Variants in SH3BP5L observed in about 807,000 individuals in gnomAD.
The protein encoded by SH3BP5L is SH3 domain-binding protein 5-like.
A neutral mutation model predicts 40.9 loss-of-function variants in SH3BP5L; 16 were observed. The observed-to-expected ratio is 0.39, with a 90% CI of 0.27 to 0.59. The LOEUF (loss-of-function observed/expected upper bound fraction) is 0.59. SH3BP5L is among the 20% of genes least tolerant of loss of function. SH3BP5L has a pLI of 0.53. For missense variants in SH3BP5L, 471 were observed against 544.6 expected, an observed-to-expected ratio of 0.86 and a Z score of 1.35; for synonymous variants, 229 against 226.7, an observed-to-expected ratio of 1.01 and a Z score of -0.09.
chr1:248,824,739 C>G lies in SH3BP5L; in HGVS notation c.183+14G>C. ...TCTGGGCTCTCCTTCTCTCCCTGCT[C>G]TCAGTGCTCTCACCTGTATTCTAGG... On this transcript the variant is annotated intron_variant, in intron 2 of 6. Coordinates refer to ENST00000366472, the MANE Select transcript of SH3BP5L (RefSeq NM_030645.3). The G allele has an allele frequency of 6.2e-7, 1 of 1,612,440 alleles. No homozygotes were observed. The highest frequency in any genetic ancestry group is 1.7e-5 in the Admixed American group (1 of 59,922).
At position 248,817,006 on chromosome 1, in the gene SH3BP5L, C is replaced by G. The variant is rs540685210; in HGVS notation, c.184-122G>C. 16 of 1,572,084 alleles carry G rather than the reference C, an allele frequency of 1.0e-5. No individual in the cohort carries two copies. In the East Asian group the frequency reaches 2.6e-4, roughly 26 times the overall value. On this transcript the variant is annotated intron_variant, in intron 2 of 6. Transcript: ENST00000366472. ...TTGCCCAGGGAAATGAGGTGAGACA[C>G]TCAGGAAAGGAAAGAAGATACGGAG...
chr1:248,813,339 A>C (rs1464294982), intron 5 of SH3BP5L, 177 bp from the exon 6 acceptor site: 4 of 533,086 alleles, frequency 7.5e-6, no homozygotes, highest in African/African-American at 2.0e-5. Flanking sequence ...ATGAGCCTCA[A>C]GACAGCTTAT....
chr1:248,825,243 A>G lies in SH3BP5L; in HGVS notation c.-308T>C, dbSNP rs2103021149. The G allele has an allele frequency of 9.0e-7, 1 of 1,106,534 alleles. No individual in the cohort carries two copies. The highest frequency in any genetic ancestry group is 1.1e-6 in the Non-Finnish European group (1 of 905,604). 68.5% of individuals were successfully genotyped at this position (1,106,534 alleles called of 1,614,324 possible). ...GGGGCAAAGGGGGCTTGGATCCTGG[A>G]CCGAGGCCTGCTAGGAGGAGCACCA... On this transcript the variant is annotated 5_prime_UTR_variant, in exon 2 of 7. Coordinates refer to ENST00000366472, the MANE Select transcript of SH3BP5L (RefSeq NM_030645.3).
Position 248,816,525 on chromosome 1 carries a change from C to T in SH3BP5L, c.375+9G>A, listed in dbSNP as rs772697079. On this transcript the variant is annotated intron_variant, in intron 4 of 6. Coordinates refer to ENST00000366472, the MANE Select transcript of SH3BP5L (RefSeq NM_030645.3). The stretch of plus-strand genomic sequence containing the variant: ...GTAGCCTTCCTCAAACGTGGTCAGC[C>T]AGCCATACCTCCTTAGCCAGCCGCC... The T allele has an allele frequency of 7.6e-5, 122 of 1,613,778 alleles. No homozygotes were observed. Among genetic ancestry groups the T allele is most frequent in the Non-Finnish European group, 1.0e-4 (120 of 1,179,992 alleles).
chr1:248,812,068 C>A lies in SH3BP5L; in HGVS notation c.1014G>T (p.Leu338=). The A allele has an allele frequency of 1.2e-6, 2 of 1,612,916 alleles. No homozygotes were observed. Among genetic ancestry groups the A allele is most frequent in the South Asian group, 2.2e-5 (2 of 91,044 alleles). Residue 338 remains leucine (L), a synonymous_variant, in exon 7 of 7, where the codon CTG becomes CTT. Coordinates refer to ENST00000366472, the MANE Select transcript of SH3BP5L (RefSeq NM_030645.3). The surrounding 1 kb of genome is among the most constrained non-coding windows in gnomAD (Gnocchi z 6.1). ...PDTDTLSLLS[L]RTVASDLQKC... Reference sequence around the variant, plus strand: ...TCTGCAGGTCTGAAGCCACCGTGCGCAGGCTCAGCAGACTCAGGGTATCGG... The same window carrying A: ...TCTGCAGGTCTGAAGCCACCGTGCGAAGGCTCAGCAGACTCAGGGTATCGG...
Position 248,814,720 on chromosome 1 carries a change from C to T in SH3BP5L, c.376-110G>A, listed in dbSNP as rs184838782. The T allele has an allele frequency of 3.6e-4, 391 of 1,083,106 alleles. 1 individual carries two copies. The highest frequency in any genetic ancestry group is 7.8e-4 in the East Asian group (32 of 40,914). The allele number at this position is 1,083,106 out of a possible 1,614,324, so 67.1% of individuals were successfully genotyped here. ...AAGGAGGAAGGCCTACTAGCAATGT[C>T]GGCTTCATTTCCCAAACTGTGCTGA... is the stretch of plus-strand genomic sequence containing the variant. On this transcript the variant is annotated intron_variant, in intron 4 of 6. Transcript: ENST00000366472.
intron 5 of SH3BP5L, 32 bp from the exon 6 acceptor site, chr1:248,813,194 C>A (rs1342399383): frequency 2.0e-6 from 3 of 1,486,366 alleles, no homozygotes; most frequent in Non-Finnish European, 2.7e-6. Flanking sequence ...TGAGCCAGGA[C>A]CCATGCTTCA....
At chr1:248,816,464 T>C (rs1664107474) in intron 4 of SH3BP5L, 70 bp downstream of exon 4, 1 of 1,592,706 alleles carries the variant, frequency 6.3e-7, no homozygotes, top group South Asian at 1.1e-5. Flanking sequence ...TCTCACTCCA[T>C]ATAGAGACAG....
chr1:248,814,439 C>T lies in SH3BP5L; in HGVS notation c.537+10G>A, dbSNP rs1199191412. Reference sequence around the variant, plus strand: ...CAGCGAAGGGGACCTGCTGGCACCGCCCGGCTCACCTTGCAGGTAGCATGG... The same window carrying T: ...CAGCGAAGGGGACCTGCTGGCACCGTCCGGCTCACCTTGCAGGTAGCATGG... On this transcript the variant is annotated intron_variant, in intron 5 of 6. Coordinates refer to ENST00000366472, the MANE Select transcript of SH3BP5L (RefSeq NM_030645.3). The T allele has an allele frequency of 1.2e-5, 19 of 1,613,492 alleles. No individual in the cohort carries two copies. Among genetic ancestry groups the T allele is most frequent in the East Asian group, 2.2e-5 (1 of 44,878 alleles).
chr1:248,816,707 G>C (rs4926508), intron 3 of SH3BP5L, 45 bp from the exon 4 acceptor site: 1,035,574 of 1,612,460 alleles, frequency 0.64, 345,106 homozygotes, highest in Middle Eastern at 0.7. Context: ...TTGGGTCCCA[G>C]CCCCTCTTGT....
chr1:248,813,235 T>A (rs1329823073), intron 5 of SH3BP5L, 73 bp from the exon 6 acceptor site: 1 of 1,411,618 alleles, frequency 7.1e-7, no homozygotes, highest in Non-Finnish European at 9.3e-7. Flanking sequence ...GCTGCCAATC[T>A]GAACAACGCC....
In SH3BP5L at chr1:248,812,643, T is replaced by C. The variant is rs1189907127; in HGVS notation, c.712-273A>G. Among the ~76,000 whole-genome samples the C allele has an allele frequency of 6.6e-6, 1 of 152,112 alleles. No individual in the cohort carries two copies. The highest frequency in any genetic ancestry group is 1.5e-5 in the Non-Finnish European group (1 of 68,018). On this transcript the variant is annotated intron_variant, in intron 6 of 6. Coordinates refer to ENST00000366472, the MANE Select transcript of SH3BP5L (RefSeq NM_030645.3). The surrounding 1 kb of genome is among the most constrained non-coding windows in gnomAD (Gnocchi z 6.1). ...CCTTCCAGAGCCTTCCTCTCAGGCC[T>C]TCCTCTCCACCAGCTCCTGCTTCCT...
chr1:248,811,847 G>A lies in SH3BP5L; in HGVS notation c.*53C>T. On this transcript the variant is annotated 3_prime_UTR_variant, in exon 7 of 7. Coordinates refer to ENST00000366472, the MANE Select transcript of SH3BP5L (RefSeq NM_030645.3). ...GAGGAGAGGGCGTGAGAAGACTGTGGGCCCCAACCGGCCCGTGGTGGCAGA... is the reference window on the plus strand; with the variant it reads ...GAGGAGAGGGCGTGAGAAGACTGTGAGCCCCAACCGGCCCGTGGTGGCAGA... 1 of 1,311,698 alleles carries A rather than the reference G, an allele frequency of 7.6e-7. No individual in the cohort carries two copies. Among genetic ancestry groups the A allele is most frequent in the South Asian group, 1.4e-5 (1 of 69,194 alleles). 81.3% of individuals were successfully genotyped at this position (1,311,698 alleles called of 1,614,324 possible). A position where few individuals can be genotyped will look rare whatever the true frequency, so the allele number is the denominator to read the frequency against.
Position 248,811,847 on chromosome 1 carries a change from G to T in SH3BP5L, c.*53C>A. ...GAGGAGAGGGCGTGAGAAGACTGTG[G>T]GCCCCAACCGGCCCGTGGTGGCAGA... On this transcript the variant is annotated 3_prime_UTR_variant, in exon 7 of 7. Coordinates refer to ENST00000366472, the MANE Select transcript of SH3BP5L (RefSeq NM_030645.3). 7.6e-7 allele frequency: 1 copy of T among 1,311,698 alleles called. No homozygotes were observed. The highest frequency in any genetic ancestry group is 1.4e-5 in the South Asian group (1 of 69,194). The allele number at this position is 1,311,698 out of a possible 1,614,324, so 81.3% of individuals were successfully genotyped here. A position where few individuals can be genotyped will look rare whatever the true frequency, so the allele number is the denominator to read the frequency against.
intron 3 of SH3BP5L, 64 bp downstream of exon 3, chr1:248,816,758 G>A: frequency 6.2e-7 from 1 of 1,610,948 alleles, no homozygotes; most frequent in Non-Finnish European, 8.5e-7. Flanking sequence ...CCTCAATCTG[G>A]GAAAGAGACA....
rs747180457 is a variant in SH3BP5L at position 248,811,889 on chromosome 1, T to C, written c.*11A>G. Reference sequence around the variant, plus strand: ...GGTGGCAGATTCAAGCCAGGAACCCTGGCCCCTCGGCTACAGGCTGACGCT... The same window carrying C: ...GGTGGCAGATTCAAGCCAGGAACCCCGGCCCCTCGGCTACAGGCTGACGCT... On this transcript the variant is annotated 3_prime_UTR_variant, in exon 7 of 7. Transcript: ENST00000366472. 2.5e-5 allele frequency: 38 copies of C among 1,501,520 alleles called. No homozygotes were observed. Among genetic ancestry groups the C allele is most frequent in the Admixed American group, 1.3e-4 (6 of 47,142 alleles). 93.0% of individuals were successfully genotyped at this position (1,501,520 alleles called of 1,614,324 possible). A position where few individuals can be genotyped will look rare whatever the true frequency, so the allele number is the denominator to read the frequency against.
At chr1:248,819,214 G>T (rs111815067) in intron 2 of SH3BP5L, among the ~76,000 whole-genome samples, 1 of 152,080 alleles carries the variant, frequency 6.6e-6, no homozygotes, top group Non-Finnish European at 1.5e-5. Context: ...GTAATGGAAC[G>T]AGGAATGAGG....
chr1:248,816,259 G>C, intron 4 of SH3BP5L: 1 of 419,332 alleles, frequency 2.4e-6, no homozygotes, highest in Non-Finnish European at 4.4e-6. Flanking sequence ...ATACCCTAAA[G>C]CCTGATTCCT....
At chr1:248,814,306 C>A in intron 5 of SH3BP5L, 143 bp downstream of exon 5, 1 of 905,444 alleles carries the variant, frequency 1.1e-6, no homozygotes, top group East Asian at 2.7e-5. Context: ...GAACAGAAAA[C>A]TAGGAACAGG....
Sources: allele counts gnomAD v4.1 joint callset (sites outside exome capture counted in the v4.1 genomes callset), GRCh38; gene constraint gnomAD v4.1.1; non-coding constraint Gnocchi (gnomAD v3.1); transcripts MANE v1.5; gene names NCBI Gene and HGNC (gene_info 2026-07-23, HGNC 2026-07-21).